Variants in PLCXD3 observed in about 807,000 individuals in gnomAD.
PLCXD3 encodes phosphatidylinositol specific phospholipase C X domain containing 3.
In PLCXD3, 19 loss-of-function variants were observed where a neutral mutation model predicts 25.5. That is an observed-to-expected ratio of 0.75 (90% confidence interval 0.52 to 1.09). The LOEUF (loss-of-function observed/expected upper bound fraction) is 1.09, where lower values mean the gene tolerates loss of function less well. Ranked by LOEUF, PLCXD3 falls within the 50% of genes least tolerant of loss-of-function variation. The probability of loss-of-function intolerance (pLI) is 0.00; values close to 1 mark genes in which losing one functional copy is unlikely to be tolerated. For missense variants in PLCXD3, 411 were observed against 388.1 expected, an observed-to-expected ratio of 1.06 and a Z score of -0.50; for synonymous variants, 174 against 137.6, an observed-to-expected ratio of 1.26 and a Z score of -1.85.
intron 1 of PLCXD3, among the ~76,000 whole-genome samples, chr5:41,427,078 T>A (rs1029083198): frequency 6.6e-6 from 1 of 152,186 alleles, no homozygotes; most frequent in Non-Finnish European, 1.5e-5. Flanking sequence ...TACACTACAA[T>A]GTTTCCATGT....
chr5:41,410,981 G>A (rs960063437), intron 1 of PLCXD3, among the ~76,000 whole-genome samples: 1 of 152,190 alleles, frequency 6.6e-6, no homozygotes, highest in African/African-American at 2.4e-5. Context: ...AACCACAGGA[G>A]CAGCTCTTAT....
chr5:41,367,434 G>A (rs1270703015), intron 2 of PLCXD3, among the ~76,000 whole-genome samples: 2 of 152,060 alleles, frequency 1.3e-5, no homozygotes. Context: ...CCATAATAAC[G>A]TCTTCTTTTG....
At chr5:41,434,236 T>C (rs923902295) in intron 1 of PLCXD3, among the ~76,000 whole-genome samples, 3 of 152,222 alleles carry the variant, frequency 2.0e-5, no homozygotes, top group African/African-American at 7.2e-5. Flanking sequence ...GTTTGACTTC[T>C]GCGTGTGATT....
At chr5:41,418,188 A>C (rs1183687088) in intron 1 of PLCXD3, among the ~76,000 whole-genome samples, 1 of 152,190 alleles carries the variant, frequency 6.6e-6, no homozygotes, top group Non-Finnish European at 1.5e-5. Flanking sequence ...TTAGAATATA[A>C]ATTTTATCTA....
chr5:41,382,425 C>G lies in PLCXD3; in HGVS notation c.213G>C (p.Lys71Asn). 2 of 1,613,408 alleles carry G rather than the reference C, an allele frequency of 1.2e-6. No homozygotes were observed. Residue 71 changes from lysine (K) to asparagine (N), a missense_variant, in exon 2 of 3, where the codon AAG becomes AAC. By Grantham distance (94) the Lys-to-Asn change is moderately conservative. Coordinates refer to ENST00000377801, the MANE Select transcript of PLCXD3 (RefSeq NM_001005473.3). ...GAGTGGCTAACCATTTCCGCATGAG[C>G]TTTTTGGCCACAGTTCCAAACACAG... is the stretch of plus-strand genomic sequence containing the variant. ...FVSVFGTVAK[K>N]LMRKWLATQT...
intron 1 of PLCXD3, among the ~76,000 whole-genome samples, chr5:41,505,398 T>C (rs1351963402): frequency 1.3e-5 from 2 of 152,184 alleles, no homozygotes; most frequent in African/African-American, 4.8e-5. Context: ...CATTTTCTAT[T>C]GAAAACCAAT....
Position 41,382,174 on chromosome 5 carries a change from T to C in PLCXD3, c.464A>G (p.His155Arg), listed in dbSNP as rs752907147. The C allele has an allele frequency of 1.2e-6, 2 of 1,613,780 alleles. No homozygotes were observed. The change falls in exon 2 of 3, where the codon CAT (histidine) becomes CGT (arginine). Residue 155 changes from histidine (H) to arginine (R), a missense_variant. By Grantham distance (29) the His-to-Arg change is conservative (BLOSUM62 0). Transcript: ENST00000377801. The part of the protein sequence containing the change: ...NHFYGMQKYH[H>R]EKLVQMLKDI... The stretch of plus-strand genomic sequence containing the variant: ...TTTCAGCATTTGGACCAGTTTTTCA[T>C]GGTGATATTTCTGCATCCCATAAAA...
chr5:41,392,681 T>C (rs566660455), intron 1 of PLCXD3, among the ~76,000 whole-genome samples: 75 of 152,258 alleles, frequency 4.9e-4, no homozygotes, highest in African/African-American at 1.7e-3. Flanking sequence ...ATCAACATCA[T>C]CCAGGAAAAC....
At chr5:41,405,067 C>A (rs1580355045) in intron 1 of PLCXD3, among the ~76,000 whole-genome samples, 1 of 152,212 alleles carries the variant, frequency 6.6e-6, no homozygotes, top group East Asian at 1.9e-4. Context: ...TGCTTTCTGG[C>A]AATAGGCTTT....
chr5:41,464,924 G>T (rs1747977758), intron 1 of PLCXD3, among the ~76,000 whole-genome samples: 1 of 151,764 alleles, frequency 6.6e-6, no homozygotes, highest in African/African-American at 2.4e-5. Context: ...TGTATATTAT[G>T]TTTTTATTTC....
intron 2 of PLCXD3, among the ~76,000 whole-genome samples, chr5:41,316,662 C>G (rs541757006): frequency 7.1e-4 from 108 of 152,196 alleles, no homozygotes; most frequent in African/African-American, 2.4e-3. Flanking sequence ...AGGCAGCATC[C>G]ACCAGAAGCA....
At chr5:41,505,742 G>C (rs1022363258) in intron 1 of PLCXD3, among the ~76,000 whole-genome samples, 3 of 152,200 alleles carry the variant, frequency 2.0e-5, no homozygotes, top group African/African-American at 7.2e-5. Context: ...TTATCACAGT[G>C]ACCTAATGTG....
intron 1 of PLCXD3, among the ~76,000 whole-genome samples, chr5:41,477,925 A>G (rs1466381759): frequency 6.6e-6 from 1 of 152,218 alleles, no homozygotes; most frequent in East Asian, 1.9e-4. Context: ...GAAAATTACA[A>G]AGTCACTCAA....
intron 2 of PLCXD3, among the ~76,000 whole-genome samples, chr5:41,340,068 G>T (rs1398232467): frequency 2.0e-5 from 3 of 152,094 alleles, no homozygotes; most frequent in Non-Finnish European, 4.4e-5. Flanking sequence ...AACCTCTAAA[G>T]TTATATAGAT....
chr5:41,342,561 G>T (rs965612906), intron 2 of PLCXD3, among the ~76,000 whole-genome samples: 6 of 152,132 alleles, frequency 3.9e-5, no homozygotes, highest in African/African-American at 1.4e-4. Context: ...ACAAAATTGT[G>T]CAGCTGAGTA....
At chr5:41,439,348 A>T (rs1465939803) in intron 1 of PLCXD3, among the ~76,000 whole-genome samples, 1 of 152,224 alleles carries the variant, frequency 6.6e-6, no homozygotes, top group Non-Finnish European at 1.5e-5. Flanking sequence ...AGGGCATATT[A>T]ATGTGCTAAA....
At chr5:41,406,706 T>C (rs1746361881) in intron 1 of PLCXD3, among the ~76,000 whole-genome samples, 2 of 152,158 alleles carry the variant, frequency 1.3e-5, no homozygotes, top group African/African-American at 4.8e-5. Context: ...AGCTTTCAGG[T>C]ACTGCTTTGA....
chr5:41,499,740 T>G (rs1035088038), intron 1 of PLCXD3, among the ~76,000 whole-genome samples: 2 of 151,796 alleles, frequency 1.3e-5, no homozygotes, highest in African/African-American at 4.8e-5. Flanking sequence ...TATGAAAACA[T>G]ACTACAAAGC....
intron 2 of PLCXD3, among the ~76,000 whole-genome samples, chr5:41,359,058 G>A (rs1339572247): frequency 6.6e-6 from 1 of 152,116 alleles, no homozygotes; most frequent in Non-Finnish European, 1.5e-5. Flanking sequence ...CTGCATCCTG[G>A]TATGAAACCC....
Sources: gnomAD v4.1 joint callset for allele counts (sites outside exome capture counted in the v4.1 genomes callset) on GRCh38, gnomAD v4.1.1 for gene constraint, MANE v1.5 for transcripts, NCBI Gene and HGNC (gene_info 2026-07-23, HGNC 2026-07-21) for gene names.